The following GTF2H5 variants were observed in gnomAD, a reference collection of about 807,000 sequenced individuals.
GTF2H5 encodes the protein general transcription factor IIH subunit 5.
Under a neutral mutation model 7.1 loss-of-function variants are expected in GTF2H5, and 5 were observed. That is an observed-to-expected ratio of 0.71 (90% CI 0.37 to 1.49). The LOEUF (loss-of-function observed/expected upper bound fraction) is 1.49, where lower values mean the gene tolerates loss of function less well. GTF2H5 is among the 40% of genes most tolerant of loss of function. The probability of loss-of-function intolerance (pLI) is 0.03; values close to 1 mark genes in which losing one functional copy is unlikely to be tolerated. For synonymous variants in GTF2H5, 30 were observed against 31.7 expected, an observed-to-expected ratio of 0.95 and a Z score of 0.18; for missense variants, 80 against 83.0, an observed-to-expected ratio of 0.96 and a Z score of 0.14.
rs1463163650 is a variant in GTF2H5 at position 158,198,675 on chromosome 6, G to C, written c.*6518G>C. On this transcript the variant is annotated 3_prime_UTR_variant, in exon 3 of 3. Transcript: ENST00000607778. Reference sequence around the variant, plus strand: ...AGTAATCTGGCCTCCCAAAGTGGTGGGATTACAGGCGTGAGCCAGCGCGCC... The same window carrying C: ...AGTAATCTGGCCTCCCAAAGTGGTGCGATTACAGGCGTGAGCCAGCGCGCC... The C allele has an allele frequency of 6.6e-6, 1 of 152,212 alleles. No individual in the cohort carries two copies. Among genetic ancestry groups the C allele is most frequent in the East Asian group, 1.9e-4 (1 of 5,200 alleles). The allele number at this position is 152,212 out of a possible 1,614,324, so 9.4% of individuals were successfully genotyped here. A position where few individuals can be genotyped will look rare whatever the true frequency, so the allele number is the denominator to read the frequency against.
chr6:158,176,005 G>C (rs1785927940), intron 2 of GTF2H5, among the ~76,000 whole-genome samples: 1 of 152,152 alleles, frequency 6.6e-6, no homozygotes, highest in Non-Finnish European at 1.5e-5. Context: ...CTAAGCACTT[G>C]CTAATATTAA....
At chr6:158,183,591 A>T (rs2128430884) in intron 2 of GTF2H5, among the ~76,000 whole-genome samples, 1 of 152,210 alleles carries the variant, frequency 6.6e-6, no homozygotes. Context: ...GGAACCGCCT[A>T]CTCAAGCCTC....
chr6:158,181,712 T>G (rs1786012964), intron 2 of GTF2H5, among the ~76,000 whole-genome samples: 1 of 152,082 alleles, frequency 6.6e-6, no homozygotes, highest in Non-Finnish European at 1.5e-5. Context: ...TTTTTTTTTT[T>G]GCTTTGCTTT....
chr6:158,173,698 T>C (rs1367146731), intron 2 of GTF2H5, among the ~76,000 whole-genome samples: 1 of 150,272 alleles, frequency 6.7e-6, no homozygotes, highest in East Asian at 2.0e-4. Flanking sequence ...TTTGGCTTCA[T>C]GCAGGAAAGA....
At chr6:158,186,730 G>A (rs1273690903) in intron 2 of GTF2H5, among the ~76,000 whole-genome samples, 2 of 152,186 alleles carry the variant, frequency 1.3e-5, no homozygotes, top group African/African-American at 2.4e-5. Context: ...CATGTAAGAT[G>A]TACATTGGTT....
At chr6:158,188,790 T>C (rs1020886996) in intron 2 of GTF2H5, among the ~76,000 whole-genome samples, 1 of 152,190 alleles carries the variant, frequency 6.6e-6, no homozygotes, top group Non-Finnish European at 1.5e-5. Context: ...TTCAGTTGCA[T>C]GTCAGTGTCA....
In GTF2H5 at chr6:158,196,088, T is replaced by G. The variant is rs539062108; in HGVS notation, c.*3931T>G. On this transcript the variant is annotated 3_prime_UTR_variant, in exon 3 of 3. Transcript: ENST00000607778. ...CAAGGTCAGGAGATCAAAACAATCC[T>G]GGCTAACAAGGTGAAACCCCGTCTC... is the stretch of plus-strand genomic sequence containing the variant. 9.2e-5 allele frequency: 14 copies of G among 152,216 alleles called. No individual in the cohort carries two copies. Among genetic ancestry groups the G allele is most frequent in the South Asian group, 4.2e-4 (2 of 4,818 alleles). The allele number at this position is 152,216 out of a possible 1,614,324, so 9.4% of individuals were successfully genotyped here.
chr6:158,173,572 A>G (rs1320987018), intron 2 of GTF2H5, among the ~76,000 whole-genome samples: 1 of 152,132 alleles, frequency 6.6e-6, no homozygotes, highest in Non-Finnish European at 1.5e-5. Flanking sequence ...ATTTAGGTGT[A>G]TTGGAGTATG....
intron 2 of GTF2H5, among the ~76,000 whole-genome samples, chr6:158,188,789 A>G (rs992132948): frequency 2.0e-5 from 3 of 152,116 alleles, no homozygotes; most frequent in African/African-American, 7.2e-5. Flanking sequence ...ATTCAGTTGC[A>G]TGTCAGTGTC....
chr6:158,169,393 A>ATTGT (rs1279120969), intron 1 of GTF2H5, among the ~76,000 whole-genome samples: 35 of 92,106 alleles, frequency 3.8e-4, no homozygotes, highest in African/African-American at 1.5e-3. Context: ...TATTATATAT[A>ATTGT]ATATTATATT....
chr6:158,186,224 T>G (rs945466235), intron 2 of GTF2H5, among the ~76,000 whole-genome samples: 6 of 152,252 alleles, frequency 3.9e-5, no homozygotes, highest in African/African-American at 1.4e-4. Context: ...ATTGGTGTGA[T>G]GATTCAGCAC....
Position 158,197,179 on chromosome 6 carries a change from TG to T in GTF2H5, c.*5025del. On this transcript the variant is annotated 3_prime_UTR_variant, in exon 3 of 3. Coordinates refer to ENST00000607778, the MANE Select transcript of GTF2H5 (RefSeq NM_207118.3). ...GATTTTGAAAGGACTGAGATCATTT[TG>T]GGAGAGATCATCTTCAGAAAATGAC... 6.4e-6 allele frequency: 1 copy of T among 157,184 alleles called. No homozygotes were observed. The allele number at this position is 157,184 out of a possible 1,614,324, so 9.7% of individuals were successfully genotyped here.
intron 2 of GTF2H5, among the ~76,000 whole-genome samples, chr6:158,182,547 C>A (rs1342921171): frequency 6.6e-6 from 1 of 152,086 alleles, no homozygotes; most frequent in East Asian, 1.9e-4. Flanking sequence ...CACATAGTCG[C>A]ATATTTCTTG....
intron 1 of GTF2H5, among the ~76,000 whole-genome samples, chr6:158,170,229 G>A (rs368965796): frequency 6.6e-6 from 1 of 152,054 alleles, no homozygotes; most frequent in Non-Finnish European, 1.5e-5. Context: ...GCTTCTATTA[G>A]GGCTAATTGA....
intron 1 of GTF2H5, among the ~76,000 whole-genome samples, chr6:158,169,462 T>TATATTGTATATTATATAA (rs1562468201): frequency 1.4e-5 from 1 of 69,880 alleles, no homozygotes; most frequent in Non-Finnish European, 2.2e-5. Context: ...ATTATATATA[T>TATATTGTATATTATATAA]TATATTGTAT....
In GTF2H5 at chr6:158,195,273, T is replaced by A. The variant is rs1228830903; in HGVS notation, c.*3116T>A. 2 of 152,178 alleles carry A rather than the reference T, an allele frequency of 1.3e-5. No individual in the cohort carries two copies. The highest frequency in any genetic ancestry group is 4.8e-5 in the African/African-American group (2 of 41,428). 9.4% of individuals were successfully genotyped at this position (152,178 alleles called of 1,614,324 possible). A position where few individuals can be genotyped will look rare whatever the true frequency, so the allele number is the denominator to read the frequency against. On this transcript the variant is annotated 3_prime_UTR_variant, in exon 3 of 3. Coordinates refer to ENST00000607778, the MANE Select transcript of GTF2H5 (RefSeq NM_207118.3). ...AGGTGCCACTGCACTGCAGCCTGGATGACAGAGTGAAACTTTGTCTCTTAA... is the reference window on the plus strand; with the variant it reads ...AGGTGCCACTGCACTGCAGCCTGGAAGACAGAGTGAAACTTTGTCTCTTAA...
chr6:158,169,986 A>C (rs938331046), intron 1 of GTF2H5, among the ~76,000 whole-genome samples: 3 of 151,300 alleles, frequency 2.0e-5, no homozygotes, highest in African/African-American at 4.9e-5. Context: ...GCGCCACTGC[A>C]CTACAGCCTG....
intron 2 of GTF2H5, among the ~76,000 whole-genome samples, chr6:158,173,581 T>C (rs1403489744): frequency 3.3e-5 from 5 of 152,198 alleles, no homozygotes; most frequent in African/African-American, 1.2e-4. Context: ...TATTGGAGTA[T>C]GGAATTTGAT....
At chr6:158,179,247 A>G (rs1172527230) in intron 2 of GTF2H5, among the ~76,000 whole-genome samples, 4 of 152,176 alleles carry the variant, frequency 2.6e-5, no homozygotes, top group African/African-American at 9.7e-5. Flanking sequence ...TGGTTACTGT[A>G]GCCTTGTAGT....
Sources: gnomAD v4.1 joint callset for allele counts (sites outside exome capture counted in the v4.1 genomes callset) on GRCh38, gnomAD v4.1.1 for gene constraint, MANE v1.5 for transcripts, NCBI Gene and HGNC (gene_info 2026-07-23, HGNC 2026-07-21) for gene names.